Variants in MALRD1 observed in about 807,000 individuals in gnomAD.
The protein encoded by MALRD1 is MAM and LDL-receptor class A domain-containing protein 1.
In MALRD1, 247 loss-of-function variants were observed where a neutral mutation model predicts 242.1. The ratio of observed to expected loss-of-function variants is 1.02; its 90% CI spans 0.92 to 1.13. The LOEUF (loss-of-function observed/expected upper bound fraction) is 1.13, where lower values mean the gene tolerates loss of function less well. Ranked by LOEUF, MALRD1 falls within the 50% of genes most tolerant of loss-of-function variation. The pLI is 0.00. For synonymous variants in MALRD1, 995 were observed against 866.6 expected, an observed-to-expected ratio of 1.15 and a Z score of -2.60; for missense variants, 2,989 against 2,533.1, an observed-to-expected ratio of 1.18 and a Z score of -3.86.
At chr10:19,712,609 T>A (rs927375843) in intron 38 of MALRD1, among the ~76,000 whole-genome samples, 7 of 152,202 alleles carry the variant, frequency 4.6e-5, no homozygotes, top group African/African-American at 9.6e-5. Context: ...AAGCTGATAA[T>A]TAACTTCAAC....
intron 2 of MALRD1, among the ~76,000 whole-genome samples, chr10:19,084,936 T>G (rs1466961393): frequency 1.3e-5 from 2 of 152,046 alleles, no homozygotes; most frequent in Non-Finnish European, 2.9e-5. Context: ...CATTATGCAT[T>G]GACTTTCATG....
At chr10:19,434,106 A>G in intron 28 of MALRD1, among the ~76,000 whole-genome samples, 1 of 152,180 alleles carries the variant, frequency 6.6e-6, no homozygotes, top group East Asian at 1.9e-4. Flanking sequence ...TTGCATTAAA[A>G]TTCCTCCTTC....
intron 18 of MALRD1, among the ~76,000 whole-genome samples, chr10:19,225,224 G>T (rs994176441): frequency 3.3e-5 from 5 of 152,162 alleles, no homozygotes; most frequent in African/African-American, 9.7e-5. Flanking sequence ...TATGGTTAAG[G>T]TTGAGAATAT....
At chr10:19,414,354 A>G in intron 28 of MALRD1, among the ~76,000 whole-genome samples, 1 of 152,184 alleles carries the variant, frequency 6.6e-6, no homozygotes. Context: ...AATTTTAAAA[A>G]ATATATTGTT....
At chr10:19,052,218 T>TC in intron 1 of MALRD1, 1 of 275,938 alleles carries the variant, frequency 3.6e-6, no homozygotes. Context: ...CACAGGCCCT[T>TC]CCCCTTTCCC....
chr10:19,598,802 C>T (rs1838225525), intron 34 of MALRD1, among the ~76,000 whole-genome samples: 1 of 152,056 alleles, frequency 6.6e-6, no homozygotes, highest in African/African-American at 2.4e-5. Flanking sequence ...CCTGAAAGAA[C>T]AGCTAAAAGA....
chr10:19,594,153 A>G (rs1205057554), intron 33 of MALRD1, among the ~76,000 whole-genome samples: 1 of 152,184 alleles, frequency 6.6e-6, no homozygotes, highest in East Asian at 1.9e-4. Flanking sequence ...CATCTTTCCA[A>G]AGTTTTCAAT....
chr10:19,476,656 A>C (rs1242892939), intron 29 of MALRD1, among the ~76,000 whole-genome samples: 1 of 152,190 alleles, frequency 6.6e-6, no homozygotes, highest in Admixed American at 6.5e-5. Context: ...AATAGGTTAG[A>C]GGTGGATCTA....
intron 21 of MALRD1, among the ~76,000 whole-genome samples, chr10:19,306,030 C>A (rs1842162714): frequency 9.8e-6 from 1 of 102,238 alleles, no homozygotes; most frequent in South Asian, 2.6e-4. Context: ...ATATACTATA[C>A]TATATATTAT....
intron 26 of MALRD1, among the ~76,000 whole-genome samples, chr10:19,374,108 A>G (rs1306360180): frequency 1.3e-5 from 2 of 152,210 alleles, no homozygotes; most frequent in Non-Finnish European, 2.9e-5. Context: ...ATGTGCATAC[A>G]TTAGCTACTT....
At chr10:19,182,100 G>T (rs923712864) in intron 14 of MALRD1, among the ~76,000 whole-genome samples, 4 of 152,000 alleles carry the variant, frequency 2.6e-5, no homozygotes, top group African/African-American at 4.8e-5. Flanking sequence ...TAAGAAGAGT[G>T]TCTATTGCAA....
At chr10:19,245,504 AT>A (rs1839004751) in intron 18 of MALRD1, among the ~76,000 whole-genome samples, 1 of 152,200 alleles carries the variant, frequency 6.6e-6, no homozygotes, top group South Asian at 2.1e-4. Context: ...ATTCATTCTT[AT>A]CTCAGTTACC....
chr10:19,300,780 C>G (rs760881999), intron 21 of MALRD1, among the ~76,000 whole-genome samples: 2 of 152,022 alleles, frequency 1.3e-5, no homozygotes, highest in Admixed American at 6.6e-5. Context: ...CTAGGAAATA[C>G]TATTCTGGAC....
intron 36 of MALRD1, among the ~76,000 whole-genome samples, chr10:19,687,433 T>G (rs1388603586): frequency 6.6e-6 from 1 of 152,264 alleles, no homozygotes. Flanking sequence ...ACCAACCCAC[T>G]TAGCCACTCA....
At chr10:19,532,944 C>G (rs1442816543) in intron 32 of MALRD1, among the ~76,000 whole-genome samples, 3 of 152,194 alleles carry the variant, frequency 2.0e-5, no homozygotes, top group African/African-American at 4.8e-5. Flanking sequence ...TTTATAACCA[C>G]TGAGCTTCAA....
At chr10:19,457,952 G>A (rs1025047881) in intron 29 of MALRD1, among the ~76,000 whole-genome samples, 15 of 151,574 alleles carry the variant, frequency 9.9e-5, no homozygotes, top group Admixed American at 7.9e-4. Flanking sequence ...AGGAAAGGGC[G>A]GGAAAAGAAT....
intron 12 of MALRD1, among the ~76,000 whole-genome samples, chr10:19,158,848 A>G (rs1588628350): frequency 6.6e-6 from 1 of 152,322 alleles, no homozygotes; most frequent in East Asian, 1.9e-4. Flanking sequence ...TTAAAAGGCC[A>G]TGTCTTACAA....
chr10:19,163,241 A>G (rs867522561), intron 12 of MALRD1, among the ~76,000 whole-genome samples: 14 of 151,230 alleles, frequency 9.3e-5, no homozygotes, highest in Admixed American at 5.9e-4. Flanking sequence ...TAGCAAGGAT[A>G]TGGAATCCAC....
chr10:19,666,760 C>T (rs955867774), intron 36 of MALRD1, among the ~76,000 whole-genome samples: 12 of 152,166 alleles, frequency 7.9e-5, no homozygotes, highest in Non-Finnish European at 1.2e-4. Context: ...CATAAGCCTT[C>T]ATCATTTCTC....
Sources: allele counts gnomAD v4.1 joint callset (sites outside exome capture counted in the v4.1 genomes callset), GRCh38; gene constraint gnomAD v4.1.1; transcripts MANE v1.5; gene names NCBI Gene and HGNC (gene_info 2026-07-23, HGNC 2026-07-21).